DSTYK: variants seen among roughly 807,000 people sequenced by gnomAD.
The protein encoded by DSTYK is RIP-homologous kinase.
DSTYK carries 34 observed loss-of-function variants against 98.7 expected under a neutral mutation model. That is an observed-to-expected ratio of 0.34 (90% confidence interval 0.26 to 0.46). DSTYK has a LOEUF of 0.46. Among genes scored for constraint, DSTYK ranks in the 20% least tolerant of loss-of-function variants. The probability of loss-of-function intolerance (pLI) is 1.00; values close to 1 mark genes in which losing one functional copy is unlikely to be tolerated. For missense variants in DSTYK, 962 were observed against 1,181.7 expected (o/e 0.81, Z 2.73); for synonymous variants, 462 against 457.3 (o/e 1.01, Z -0.13).
At chr1:205,210,959 C>T (rs909620851) in intron 1 of DSTYK, among the ~76,000 whole-genome samples, 1 of 152,208 alleles carries the variant, frequency 6.6e-6, no homozygotes, top group Admixed American at 6.5e-5. Flanking sequence ...AACTGCTACC[C>T]TCTCCGAACG....
At chr1:205,157,733 G>T (rs1574753181) in intron 9 of DSTYK, among the ~76,000 whole-genome samples, 1 of 147,462 alleles carries the variant, frequency 6.8e-6, no homozygotes, top group African/African-American at 2.5e-5. Flanking sequence ...CTGCACTTCA[G>T]CCTGGGTGAC....
At chr1:205,198,702 G>A (rs1574797246) in intron 1 of DSTYK, among the ~76,000 whole-genome samples, 1 of 151,944 alleles carries the variant, frequency 6.6e-6, no homozygotes, top group East Asian at 1.9e-4. Context: ...CTTTGCTCTG[G>A]CAAGTTTGAC....
In DSTYK at chr1:205,144,860, A is replaced by C. The variant is rs1196439865; in HGVS notation, c.*2698T>G. On this transcript the variant is annotated 3_prime_UTR_variant, in exon 13 of 13. Transcript: ENST00000367162. ...GCAAACTAAGCCGTGGGGTAAACTA[A>C]AAAGGGACTCTGGGTAGAGGAAAAA... is the stretch of plus-strand genomic sequence containing the variant. 6.6e-6 allele frequency: 1 copy of C among 152,188 alleles called. No homozygotes were observed. Among genetic ancestry groups the C allele is most frequent in the Non-Finnish European group, 1.5e-5 (1 of 68,038 alleles). The allele number at this position is 152,188 out of a possible 1,614,324, so 9.4% of individuals were successfully genotyped here.
At chr1:205,211,228 T>C (rs1659365418) in intron 1 of DSTYK, 43 bp downstream of exon 1, 2 of 1,543,124 alleles carry the variant, frequency 1.3e-6, no homozygotes, top group Middle Eastern at 2.0e-4. Context: ...CGTCCTCCGA[T>C]TTGCCTCTCC....
intron 5 of DSTYK, among the ~76,000 whole-genome samples, chr1:205,162,604 A>C (rs896615140): frequency 6.6e-6 from 1 of 152,228 alleles, no homozygotes; most frequent in African/African-American, 2.4e-5. Context: ...GGGAAAAAGA[A>C]ATATGAAGAA....
chr1:205,174,341 T>C (rs12735417), intron 2 of DSTYK, among the ~76,000 whole-genome samples: 73,418 of 151,636 alleles, frequency 0.48, 21,030 homozygotes, highest in Non-Finnish European at 0.63. Context: ...GGTGAAACCC[T>C]GTCTCTACTA....
rs146640385 is a variant in DSTYK at position 205,197,186 on chromosome 1, C to G, written c.266-9380G>C. ...GTTGGGACAGTTGGCAAAACCTGAA[C>G]AGGGTCTGTGGACTGGATGGTAGTA... On this transcript the variant is annotated intron_variant, in intron 1 of 12. Coordinates refer to ENST00000367162, the MANE Select transcript of DSTYK (RefSeq NM_015375.3). 8.2e-3 allele frequency among the ~76,000 whole-genome samples: 1,239 copies of G among 150,550 alleles called. 9 individuals carry two copies. Among genetic ancestry groups the G allele is most frequent in the Non-Finnish European group, 0.013 (904 of 67,836 alleles).
chr1:205,160,455 G>A (rs367913142), intron 7 of DSTYK, among the ~76,000 whole-genome samples, 185 bp from the exon 8 acceptor site: 3 of 151,634 alleles, frequency 2.0e-5, no homozygotes, highest in Non-Finnish European at 4.4e-5. Context: ...TCTGCCTCAG[G>A]CTCCCAAGTA....
intron 1 of DSTYK, among the ~76,000 whole-genome samples, chr1:205,192,546 A>T (rs1658742522): frequency 6.6e-6 from 1 of 151,944 alleles, no homozygotes; most frequent in African/African-American, 2.4e-5. Context: ...ATAATAATAA[A>T]GATGAGGAAA....
chr1:205,189,143 A>T (rs1246491326), intron 1 of DSTYK, among the ~76,000 whole-genome samples: 1 of 125,228 alleles, frequency 8.0e-6, no homozygotes. Flanking sequence ...AAAAAATAAA[A>T]ATCTAAAACA....
At chr1:205,188,616 AT>A (rs1471192570) in intron 1 of DSTYK, among the ~76,000 whole-genome samples, 1 of 152,212 alleles carries the variant, frequency 6.6e-6, no homozygotes, top group East Asian at 1.9e-4. Flanking sequence ...GCCCTTTTAA[AT>A]TATCTACCAT....
At chr1:205,166,146 T>C (rs997072017) in intron 3 of DSTYK, among the ~76,000 whole-genome samples, 2 of 152,218 alleles carry the variant, frequency 1.3e-5, no homozygotes, top group Non-Finnish European at 2.9e-5. Context: ...TGAATATTTA[T>C]GGAATGCCCT....
At chr1:205,160,784 T>C (rs1657695369) in intron 7 of DSTYK, among the ~76,000 whole-genome samples, 1 of 144,798 alleles carries the variant, frequency 6.9e-6, no homozygotes, top group Non-Finnish European at 1.5e-5. Flanking sequence ...TTTTGTTTTT[T>C]GTTGTTTTTT....
intron 2 of DSTYK, among the ~76,000 whole-genome samples, chr1:205,184,824 A>G (rs1658519030): frequency 6.6e-6 from 1 of 152,078 alleles, no homozygotes; most frequent in Non-Finnish European, 1.5e-5. Flanking sequence ...GGCTCAAGCT[A>G]TCCTCCTCCC....
At chr1:205,176,730 A>T (rs1269317623) in intron 2 of DSTYK, among the ~76,000 whole-genome samples, 1 of 151,966 alleles carries the variant, frequency 6.6e-6, no homozygotes, top group Non-Finnish European at 1.5e-5. Flanking sequence ...GGCATGTGCC[A>T]CTGTGCCCAG....
chr1:205,203,596 G>T, intron 1 of DSTYK, among the ~76,000 whole-genome samples: 1 of 125,826 alleles, frequency 7.9e-6, no homozygotes, highest in Non-Finnish European at 1.6e-5. Flanking sequence ...GAAGGGAGGG[G>T]GCAGAATTTC....
intron 2 of DSTYK, among the ~76,000 whole-genome samples, chr1:205,181,563 C>G (rs978260390): frequency 6.6e-6 from 1 of 151,786 alleles, no homozygotes; most frequent in Admixed American, 6.6e-5. Flanking sequence ...CCATGTTGGC[C>G]AGGCTGGTCT....
chr1:205,148,184 G>T, intron 12 of DSTYK, 21 bp downstream of exon 12: 2 of 1,613,966 alleles, frequency 1.2e-6, no homozygotes, highest in Non-Finnish European at 1.7e-6. Context: ...GTTAGGACAA[G>T]GTAGTACTTG....
intron 2 of DSTYK, among the ~76,000 whole-genome samples, chr1:205,185,480 TG>T (rs1324716855): frequency 1.3e-5 from 2 of 152,172 alleles, no homozygotes; most frequent in African/African-American, 4.8e-5. Flanking sequence ...CCCCAGTAGC[TG>T]GGACTACAAG....
Sources: allele counts gnomAD v4.1 joint callset (sites outside exome capture counted in the v4.1 genomes callset), GRCh38; gene constraint gnomAD v4.1.1; transcripts MANE v1.5; gene names NCBI Gene and HGNC (gene_info 2026-07-23, HGNC 2026-07-21).